Variants in DNAH14 observed in about 807,000 individuals in gnomAD.
DNAH14 encodes the protein dynein axonemal heavy chain 14.
A neutral mutation model predicts 520.9 loss-of-function variants in DNAH14; 478 were observed. The observed-to-expected ratio is 0.92, with a 90% CI of 0.85 to 0.99. The LOEUF is 0.99. Ranked by LOEUF, DNAH14 falls within the 50% of genes least tolerant of loss-of-function variation. The pLI is 0.00. For synonymous variants in DNAH14, 1,581 were observed against 1,757.2 expected (o/e 0.90, Z 2.51); for missense variants, 4,831 against 5,234.5 (o/e 0.92, Z 2.38).
intron 11 of DNAH14, chr1:225,024,287 C>T: frequency 4.1e-6 from 4 of 982,202 alleles, no homozygotes; most frequent in East Asian, 1.1e-4. Flanking sequence ...CTACAAAGTC[C>T]AATTGGAATT....
In DNAH14 at chr1:225,259,121, G is replaced by A; in HGVS notation, c.7025G>A (p.Gly2342Glu). The stretch of plus-strand genomic sequence containing the variant: ...TAACCTTGTGTATTTTTTCCCTTAG[G>A]AGAATCTGGTGTTGGGAAAACTGCT... The part of the protein sequence containing the change: ...LKNSCPVLLT[G>E]ESGVGKTAAI... Residue 2342 changes from glycine (G) to glutamate (E), a missense_variant and splice_region_variant, in exon 46 of 86, where the codon GGA (glycine) becomes GAA (glutamate). Gly to Glu is a moderately conservative substitution (Grantham distance 98, BLOSUM62 -2). Coordinates refer to ENST00000682510, the MANE Select transcript of DNAH14 (RefSeq NM_001367479.1). 8 of 1,541,438 alleles carry A rather than the reference G, an allele frequency of 5.2e-6. No individual in the cohort carries two copies. Among genetic ancestry groups the A allele is most frequent in the Non-Finnish European group, 7.0e-6 (8 of 1,144,046 alleles).
intron 15 of DNAH14, among the ~76,000 whole-genome samples, chr1:225,046,894 A>G (rs891861107): frequency 2.0e-5 from 3 of 152,134 alleles, no homozygotes; most frequent in South Asian, 2.1e-4. Context: ...GTGCCCTTCA[A>G]TATACCTCCA....
In DNAH14 at chr1:225,147,098, TA is replaced by T. The variant is rs761651803; in HGVS notation, c.4795-2del. 301 of 1,475,696 alleles carry T rather than the reference TA, an allele frequency of 2.0e-4. No individual in the cohort carries two copies. In the African/African-American group the frequency reaches 3.6e-3, roughly 17 times the overall value. The allele number at this position is 1,475,696 out of a possible 1,614,324, so 91.4% of individuals were successfully genotyped here. Reference sequence around the variant, plus strand: ...TTAGTAATCAATCTCTTTTTTTTTTTAAAAGATAGTGAGAAAATTTTTCTTT... The same window carrying T: ...TTAGTAATCAATCTCTTTTTTTTTTTAAAGATAGTGAGAAAATTTTTCTTT... On this transcript the variant is annotated splice_polypyrimidine_tract_variant and splice_region_variant and intron_variant, in intron 30 of 85. Coordinates refer to ENST00000682510, the MANE Select transcript of DNAH14 (RefSeq NM_001367479.1).
rs1311422325 is a variant in DNAH14 at position 225,398,645 on chromosome 1, CAT to C, written c.13621_13622del (p.Tyr4541LeufsTer25). ...PLEMCCDFPD[I>X]YFLPTKISTK... ...TGGAGATGTGCTGTGATTTTCCCGA[CAT>C]ATACTTTTTGCCAACAAAGGTAATC... On this transcript the variant is annotated frameshift_variant, in exon 85 of 86. Transcript: ENST00000682510. LOFTEE classifies it low-confidence loss of function (END_TRUNC). 2.3e-5 allele frequency: 36 copies of C among 1,551,606 alleles called. No homozygotes were observed. Among genetic ancestry groups the C allele is most frequent in the Non-Finnish European group, 3.1e-5 (35 of 1,146,998 alleles).
intron 46 of DNAH14, among the ~76,000 whole-genome samples, chr1:225,262,680 T>C (rs2092974867): frequency 6.6e-6 from 1 of 152,076 alleles, no homozygotes; most frequent in African/African-American, 2.4e-5. Context: ...TTCTGGGTTC[T>C]CTGTTTTGTT....
chr1:225,029,375 G>A (rs1420018924), intron 11 of DNAH14, among the ~76,000 whole-genome samples: 1 of 151,924 alleles, frequency 6.6e-6, no homozygotes, highest in Non-Finnish European at 1.5e-5. Context: ...GTGTGTGATT[G>A]TCAAAATTCA....
At chr1:225,212,758 A>AT (rs2088631059) in intron 41 of DNAH14, among the ~76,000 whole-genome samples, 1 of 150,940 alleles carries the variant, frequency 6.6e-6, no homozygotes, top group Non-Finnish European at 1.5e-5. Context: ...GGGCTGTTTG[A>AT]TTTTTTTTCT....
intron 17 of DNAH14, among the ~76,000 whole-genome samples, chr1:225,065,604 CAT>C (rs1256331160): frequency 6.6e-6 from 1 of 152,016 alleles, no homozygotes; most frequent in African/African-American, 2.4e-5. Context: ...TAATTGAGAA[CAT>C]GTGATATTTG....
At chr1:225,294,881 TG>T (rs2093973632) in intron 55 of DNAH14, among the ~76,000 whole-genome samples, 3 of 151,906 alleles carry the variant, frequency 2.0e-5, no homozygotes, top group Non-Finnish European at 2.9e-5. Context: ...GTGGATTTTT[TG>T]TTGTTGTTGT....
intron 8 of DNAH14, among the ~76,000 whole-genome samples, chr1:224,996,526 G>A (rs536924532): frequency 8.5e-5 from 13 of 152,228 alleles, no homozygotes; most frequent in African/African-American, 2.9e-4. Context: ...GGACCAACTG[G>A]TAATGACCTT....
intron 21 of DNAH14, among the ~76,000 whole-genome samples, chr1:225,088,378 G>A (rs1240751088): frequency 6.6e-6 from 1 of 152,158 alleles, no homozygotes; most frequent in Non-Finnish European, 1.5e-5. Context: ...AATGTCTGAA[G>A]TGAAAAATAC....
chr1:225,358,382 T>G, intron 73 of DNAH14, 114 bp from the exon 74 acceptor site: 1 of 964,728 alleles, frequency 1.0e-6, no homozygotes, highest in South Asian at 1.9e-5. Context: ...ACAGGAAAAC[T>G]CTGGCTGAAA....
intron 3 of DNAH14, among the ~76,000 whole-genome samples, 193 bp downstream of exon 3, chr1:224,955,291 A>G (rs1572031964): frequency 6.6e-6 from 1 of 152,202 alleles, no homozygotes; most frequent in Non-Finnish European, 1.5e-5. Flanking sequence ...TACTCATAAT[A>G]AAAGTAACGA....
chr1:225,133,902 G>A (rs1178136643), intron 27 of DNAH14, among the ~76,000 whole-genome samples: 3 of 152,092 alleles, frequency 2.0e-5, no homozygotes, highest in African/African-American at 7.2e-5. Flanking sequence ...TGATTTCCCT[G>A]AGCAGTGGTT....
chr1:225,391,818 G>A (rs917373928), intron 83 of DNAH14, among the ~76,000 whole-genome samples: 1 of 152,020 alleles, frequency 6.6e-6, no homozygotes, highest in Admixed American at 6.6e-5. Flanking sequence ...CACCCAGGGG[G>A]AAACATGGCC....
At chr1:224,959,165 A>G (rs1261902946) in intron 3 of DNAH14, among the ~76,000 whole-genome samples, 3 of 152,048 alleles carry the variant, frequency 2.0e-5, no homozygotes, top group African/African-American at 7.2e-5. Flanking sequence ...AAGATAGAAG[A>G]AAGTTTTCAC....
At chr1:225,353,583 T>A (rs1174208167) in intron 72 of DNAH14, among the ~76,000 whole-genome samples, 2 of 152,138 alleles carry the variant, frequency 1.3e-5, no homozygotes, top group Admixed American at 6.6e-5. Flanking sequence ...TTGGTCCAAG[T>A]TGAAACTTAA....
At chr1:225,229,533 G>C (rs2090893936) in intron 41 of DNAH14, among the ~76,000 whole-genome samples, 1 of 152,150 alleles carries the variant, frequency 6.6e-6, no homozygotes. Context: ...GCCCATCAAT[G>C]GTGGACTGGA....
At chr1:225,229,525 C>T (rs2149558135) in intron 41 of DNAH14, among the ~76,000 whole-genome samples, 1 of 152,232 alleles carries the variant, frequency 6.6e-6, no homozygotes, top group African/African-American at 2.4e-5. Context: ...ACCCAAATGC[C>T]CATCAATGGT....
Sources: allele counts gnomAD v4.1 joint callset (sites outside exome capture counted in the v4.1 genomes callset), GRCh38; gene constraint gnomAD v4.1.1; transcripts MANE v1.5; gene names NCBI Gene and HGNC (gene_info 2026-07-23, HGNC 2026-07-21).